Variants in ESPL1 observed in about 807,000 individuals in gnomAD.
The protein encoded by ESPL1 is extra spindle pole bodies like 1, separase.
ESPL1 carries 50 observed loss-of-function variants against 217.2 expected under a neutral mutation model. That is an observed-to-expected ratio of 0.23 (90% CI 0.18 to 0.29). The LOEUF (loss-of-function observed/expected upper bound fraction) is 0.29, where lower values mean the gene tolerates loss of function less well. Ranked by LOEUF, ESPL1 falls within the 10% of genes least tolerant of loss-of-function variation. The pLI, the probability that ESPL1 is intolerant of heterozygous loss-of-function variation, is 1.00. For missense variants in ESPL1, 1,834 were observed against 2,603.0 expected (o/e 0.70, Z 6.43); for synonymous variants, 994 against 1,081.3 (o/e 0.92, Z 1.58).
chr12:53,269,211 C>A lies in ESPL1; in HGVS notation c.269C>A (p.Pro90Gln), dbSNP rs1156706027. The A allele has an allele frequency of 6.2e-7, 1 of 1,614,176 alleles. No homozygotes were observed. The highest frequency in any genetic ancestry group is 1.7e-5 in the Admixed American group (1 of 60,028). Residue 90 changes from proline to glutamine, a missense_variant, in exon 3 of 31, where the codon CCA becomes CAA. Physicochemically the swap from Pro to Gln is moderately conservative, Grantham distance 76. Around this residue, in one of 5 missense-constraint regions of ESPL1, gnomAD observed 746 missense variants for 1,077.0 expected, o/e 0.69. Transcript: ENST00000257934. This position sits in a 1 kb window ranked among gnomAD's most constrained non-coding sequence, Gnocchi z 6.7. ...LACDGYLVST[P>Q]QRPPLYLERI... ...TGTGATGGCTACTTAGTGTCTACCC[C>A]ACAGCGTCCTCCCCTCTACCTGGAA...
At chr12:53,287,166 G>C (rs911540428) in intron 18 of ESPL1, 16 of 342,064 alleles carry the variant, frequency 4.7e-5, no homozygotes, top group Non-Finnish European at 8.0e-5. Flanking sequence ...TCCGCCTCTT[G>C]GGTTCACGCC....
intron 5 of ESPL1, among the ~76,000 whole-genome samples, chr12:53,271,843 A>C (rs1401173793): frequency 6.6e-6 from 1 of 152,162 alleles, no homozygotes; most frequent in Non-Finnish European, 1.5e-5. Flanking sequence ...TAATCCCAGC[A>C]CTTTGGGAGG....
In ESPL1 at chr12:53,274,960, T is replaced by G. The variant is rs759443544; in HGVS notation, c.1650T>G (p.Val550=). 23 of 1,589,760 alleles carry G rather than the reference T, an allele frequency of 1.4e-5. No homozygotes were observed. Among genetic ancestry groups the G allele is most frequent in the Non-Finnish European group, 1.9e-5 (22 of 1,168,868 alleles). ...EHMAEPVTFW[V]RVKMDAARAG... is the part of the protein sequence containing the mutation. Reference sequence around the variant, plus strand: ...TGGCTGAGCCAGTCACTTTCTGGGTTCGGGTCAAGATGGATGCGGCCAGGG... The same window carrying G: ...TGGCTGAGCCAGTCACTTTCTGGGTGCGGGTCAAGATGGATGCGGCCAGGG... Residue 550 remains valine, a synonymous_variant, in exon 7 of 31, where the codon GTT becomes GTG. Coordinates refer to ENST00000257934, the MANE Select transcript of ESPL1 (RefSeq NM_012291.5).
At chr12:53,276,236 G>T (rs1211044137) in intron 7 of ESPL1, among the ~76,000 whole-genome samples, 2 of 152,108 alleles carry the variant, frequency 1.3e-5, no homozygotes, top group African/African-American at 4.8e-5. Context: ...TCAGGGAAGA[G>T]AATTCCTTGC....
At chr12:53,268,691 C>T in intron 1 of ESPL1, 64 bp from the exon 2 acceptor site, 2 of 984,012 alleles carry the variant, frequency 2.0e-6, no homozygotes, top group Non-Finnish European at 3.1e-6. Context: ...CGACCTTCAG[C>T]CCTCTTCCCT....
chr12:53,268,747 T>C lies in ESPL1; in HGVS notation c.-12-8T>C. ...ACAATCTTCTCTAATTGGTCTCCTT[T>C]TCCCTAGCTCTCCGGTGTCATGAGG... On this transcript the variant is annotated splice_polypyrimidine_tract_variant and splice_region_variant and intron_variant, in intron 1 of 30. Transcript: ENST00000257934. The C allele has an allele frequency of 6.3e-7, 1 of 1,581,028 alleles. No homozygotes were observed. Among genetic ancestry groups the C allele is most frequent in the Non-Finnish European group, 8.7e-7 (1 of 1,153,654 alleles).
Position 53,277,064 on chromosome 12 carries a change from G to A in ESPL1, c.1941-19G>A, listed in dbSNP as rs1345887715. On this transcript the variant is annotated intron_variant, in intron 8 of 30. Transcript: ENST00000257934. The stretch of plus-strand genomic sequence containing the variant: ...GATACTCATAGTAGGCCCAGCTTAA[G>A]CACATCTTCTCCCTGCAGCTCTGCT... 6.2e-7 allele frequency: 1 copy of A among 1,607,670 alleles called. No homozygotes were observed. Among genetic ancestry groups the A allele is most frequent in the Non-Finnish European group, 8.5e-7 (1 of 1,175,552 alleles).
At position 53,286,533 on chromosome 12, in the gene ESPL1, C is replaced by G; in HGVS notation, c.3797C>G (p.Ala1266Gly). ...ARIPHLEPWR[A>G]SLLLIWALTK... is the part of the protein sequence containing the mutation. ...ATACCCCACCTAGAGCCCTGGCGAGCCAGCCTGCTCTTGATTTGGGCCCTC... is the reference window on the plus strand; with the variant it reads ...ATACCCCACCTAGAGCCCTGGCGAGGCAGCCTGCTCTTGATTTGGGCCCTC... Residue 1266 changes from alanine to glycine, a missense_variant, in exon 18 of 31, where the codon GCC becomes GGC. Ala to Gly is a moderately conservative substitution (Grantham distance 60, BLOSUM62 0). Transcript: ENST00000257934. The surrounding 1 kb of genome is among the most constrained non-coding windows in gnomAD (Gnocchi z 5.3). The G allele has an allele frequency of 6.2e-7, 1 of 1,614,166 alleles. No individual in the cohort carries two copies.
Position 53,281,562 on chromosome 12 carries a change from C to A in ESPL1, c.2555C>A (p.Thr852Lys). Residue 852 changes from threonine to lysine, a missense_variant, in exon 13 of 31, where the codon ACA becomes AAA. Coordinates refer to ENST00000257934, the MANE Select transcript of ESPL1 (RefSeq NM_012291.5). ...SLKHLDQTTD[T>K]YLLLSLTCDL... is the part of the protein sequence containing the mutation. ...AAGCATCTCGATCAGACTACTGACACATACCTGCTCCTTTCCCTGACCTGT... is the reference window on the plus strand; with the variant it reads ...AAGCATCTCGATCAGACTACTGACAAATACCTGCTCCTTTCCCTGACCTGT... The A allele has an allele frequency of 6.2e-7, 1 of 1,613,678 alleles. No homozygotes were observed. The highest frequency in any genetic ancestry group is 1.3e-5 in the African/African-American group (1 of 75,028).
rs1943940040 is a variant in ESPL1, at chr12:53,285,954, CTG to C, written c.3221_3222del (p.Val1074GlufsTer73). On this transcript the variant is annotated frameshift_variant, in exon 18 of 31. Transcript: ENST00000257934. LOFTEE classifies it high-confidence loss of function. ...GGTGGGGTGACTCAGCACCTGGACTCTGTGAAGAAGGTCCACCTGCAGAAGGG... is the reference window on the plus strand; with the variant it reads ...GGTGGGGTGACTCAGCACCTGGACTCTGAAGAAGGTCCACCTGCAGAAGGG... 1 of 1,551,156 alleles carries C rather than the reference CTG, an allele frequency of 6.4e-7. No homozygotes were observed. The highest frequency in any genetic ancestry group is 8.7e-7 in the Non-Finnish European group (1 of 1,144,172).
rs1385025105 is a variant in ESPL1, at chr12:53,291,748, G to A, written c.5579G>A (p.Gly1860Glu). Residue 1860 changes from glycine to glutamate, a missense_variant, in exon 26 of 31, where the codon GGG becomes GAG. Gly to Glu is a moderately conservative substitution (Grantham distance 98). Coordinates refer to ENST00000257934, the MANE Select transcript of ESPL1 (RefSeq NM_012291.5). Reference sequence around the variant, plus strand: ...CAGGACATTCAGGCCCTGGCCTACGGGCTGTGCCCAACCCAGCCAGAGCGA... The same window carrying A: ...CAGGACATTCAGGCCCTGGCCTACGAGCTGTGCCCAACCCAGCCAGAGCGA... Reference protein sequence around the residue: ...TPQDIQALAYGLCPTQPERAQ... With the variant: ...TPQDIQALAYELCPTQPERAQ... The A allele has an allele frequency of 1.2e-6, 2 of 1,613,932 alleles. No individual in the cohort carries two copies.
chr12:53,269,428 AGCTGCATT>A lies in ESPL1; in HGVS notation c.487_494del (p.Ala163CysfsTer16). ...GGGCAGAAGCCCTGTTGGAACGGCGAGCTGCATTTGCAGCTCGGCTGAAGGCCTTGAGC... is the reference window on the plus strand; with the variant it reads ...GGGCAGAAGCCCTGTTGGAACGGCGATGCAGCTCGGCTGAAGGCCTTGAGC... On this transcript the variant is annotated frameshift_variant, in exon 3 of 31. Transcript: ENST00000257934. LOFTEE classifies it high-confidence loss of function. This position sits in a 1 kb window ranked among gnomAD's most constrained non-coding sequence, Gnocchi z 6.7. 1 of 1,613,880 alleles carries A rather than the reference AGCTGCATT, an allele frequency of 6.2e-7. No homozygotes were observed. The highest frequency in any genetic ancestry group is 8.5e-7 in the Non-Finnish European group (1 of 1,179,986).
Position 53,276,577 on chromosome 12 carries a change from G to T in ESPL1, c.1701-43G>T, listed in dbSNP as rs777915986. ...TGGGAGCAGGTAGCAGAGGCTTTAT[G>T]CCTCCTGGGTTCCACCCTGGTGCTG... is the stretch of plus-strand genomic sequence containing the variant. On this transcript the variant is annotated intron_variant, in intron 7 of 30. Transcript: ENST00000257934. 12 of 1,539,526 alleles carry T rather than the reference G, an allele frequency of 7.8e-6. No individual in the cohort carries two copies. In the Admixed American group the frequency reaches 2.4e-4, roughly 30 times the overall value.
In ESPL1 at chr12:53,292,999, A is replaced by G; in HGVS notation, c.6161+29A>G. The stretch of plus-strand genomic sequence containing the variant: ...AGTCTCCAAGGGCAAGACCCATCCT[A>G]GGGCATTAGGACTCCTGCCCTCACC... On this transcript the variant is annotated intron_variant, in intron 30 of 30. Coordinates refer to ENST00000257934, the MANE Select transcript of ESPL1 (RefSeq NM_012291.5). This position sits in a 1 kb window ranked among gnomAD's most constrained non-coding sequence, Gnocchi z 4.5. 3 of 1,600,490 alleles carry G rather than the reference A, an allele frequency of 1.9e-6. No homozygotes were observed. The highest frequency in any genetic ancestry group is 2.6e-6 in the Non-Finnish European group (3 of 1,172,638).
chr12:53,270,889 T>G, intron 5 of ESPL1, 91 bp downstream of exon 5: 1 of 1,416,374 alleles, frequency 7.1e-7, no homozygotes, highest in Non-Finnish European at 9.7e-7. Context: ...TTCTGACCAC[T>G]GTGAGGGTTC....
At chr12:53,277,322 G>A (rs1286113996) in intron 9 of ESPL1, 95 bp downstream of exon 9, 51 of 1,496,580 alleles carry the variant, frequency 3.4e-5, no homozygotes, top group Middle Eastern at 3.9e-4. Flanking sequence ...TTTTTTGTTC[G>A]TTATTTTTAG....
At position 53,277,892 on chromosome 12, in the gene ESPL1, G is replaced by A. The variant is rs781641406; in HGVS notation, c.2296G>A (p.Val766Ile). The A allele has an allele frequency of 8.1e-6, 13 of 1,614,070 alleles. No individual in the cohort carries two copies. In the Admixed American group the frequency reaches 1.5e-4, roughly 19 times the overall value. The change falls in exon 11 of 31, where the codon GTA becomes ATA. Residue 766 changes from valine to isoleucine, a missense_variant. Coordinates refer to ENST00000257934, the MANE Select transcript of ESPL1 (RefSeq NM_012291.5). ...GCTTACAAAGGGGCAGGCCCCAGCT[G>A]TACGGTGTCTCCAGCAGACAGCAGC... ...ELLTKGQAPA[V>I]RCLQQTAASL...
Position 53,287,954 on chromosome 12 carries a change from C to T in ESPL1, c.4177-18C>T. On this transcript the variant is annotated intron_variant, in intron 18 of 30. Transcript: ENST00000257934. Reference sequence around the variant, plus strand: ...ACTGAAGACCTCTTAGCCCTTCACCCTTTCACTCTGATCTCAGGTGAACTT... The same window carrying T: ...ACTGAAGACCTCTTAGCCCTTCACCTTTTCACTCTGATCTCAGGTGAACTT... 1 of 1,573,786 alleles carries T rather than the reference C, an allele frequency of 6.4e-7. No homozygotes were observed. Among genetic ancestry groups the T allele is most frequent in the Non-Finnish European group, 8.6e-7 (1 of 1,160,566 alleles).
intron 3 of ESPL1, 32 bp from the exon 4 acceptor site, chr12:53,270,346 T>C (rs1488836977): frequency 6.8e-7 from 1 of 1,464,412 alleles, no homozygotes. Context: ...TTATCTCTAC[T>C]CCTCATACCA....
Sources: gnomAD v4.1 joint callset for allele counts (sites outside exome capture counted in the v4.1 genomes callset) on GRCh38, gnomAD v4.1.1 for gene constraint, gnomAD v4.1.1 regional missense constraint, Gnocchi (gnomAD v3.1) non-coding constraint, MANE v1.5 for transcripts, NCBI Gene and HGNC (gene_info 2026-07-23, HGNC 2026-07-21) for gene names.